Variants in PPP2R5A observed in about 807,000 individuals in gnomAD.
PPP2R5A encodes protein phosphatase 2 regulatory subunit B'alpha, also known as serine/threonine-protein phosphatase 2A 56 kDa regulatory subunit alpha isoform.
Under a neutral mutation model 64.2 loss-of-function variants are expected in PPP2R5A, and 25 were observed. That is an observed-to-expected ratio of 0.39 (90% CI 0.28 to 0.54). PPP2R5A has a LOEUF of 0.54. Ranked by LOEUF, PPP2R5A falls within the 20% of genes least tolerant of loss-of-function variation. The pLI is 0.67. For missense variants in PPP2R5A, 425 were observed against 576.3 expected, an observed-to-expected ratio of 0.74 and a Z score of 2.69; for synonymous variants, 198 against 201.2, an observed-to-expected ratio of 0.98 and a Z score of 0.13.
At chr1:212,316,965 T>G (rs1659166246) in intron 1 of PPP2R5A, among the ~76,000 whole-genome samples, 1 of 152,208 alleles carries the variant, frequency 6.6e-6, no homozygotes, top group Non-Finnish European at 1.5e-5. Context: ...GATGGTAGAC[T>G]CTTCAGCAAG....
intron 1 of PPP2R5A, chr1:212,297,548 C>T (rs1571574686): frequency 1.3e-5 from 2 of 152,262 alleles, no homozygotes; most frequent in East Asian, 3.9e-4. Flanking sequence ...AGCCTAGAGC[C>T]TGTAGTCTTT....
In PPP2R5A at chr1:212,360,713, A is replaced by AAAAC; in HGVS notation, c.1406_1409dup (p.Asn471ThrfsTer3). 1 of 1,601,348 alleles carries AAAAC rather than the reference A, an allele frequency of 6.2e-7. No homozygotes were observed. The highest frequency in any genetic ancestry group is 8.5e-7 in the Non-Finnish European group (1 of 1,174,634). ...AGCTAAAGCTAAAGAAAGCTCTAGAAAAACAGAATAGTGCTTACAACATGC... is the reference window on the plus strand; with the variant it reads ...AGCTAAAGCTAAAGAAAGCTCTAGAAAAACAAACAGAATAGTGCTTACAACATGC... On this transcript the variant is annotated frameshift_variant, in exon 13 of 13. Coordinates refer to ENST00000261461, the MANE Select transcript of PPP2R5A (RefSeq NM_006243.4). LOFTEE classifies it high-confidence loss of function.
At chr1:212,323,591 G>A (rs570123017) in intron 1 of PPP2R5A, among the ~76,000 whole-genome samples, 113 of 152,310 alleles carry the variant, frequency 7.4e-4, no homozygotes, top group African/African-American at 2.6e-3. Context: ...AAATTCAGAT[G>A]TGACCTATCC....
At chr1:212,307,105 A>G (rs1658929588) in intron 1 of PPP2R5A, among the ~76,000 whole-genome samples, 1 of 152,118 alleles carries the variant, frequency 6.6e-6, no homozygotes, top group Admixed American at 6.5e-5. Context: ...AGTTGGATTT[A>G]TGCCTGCCAT....
At chr1:212,329,015 T>C in intron 1 of PPP2R5A, 120 bp from the exon 2 acceptor site, 3 of 674,776 alleles carry the variant, frequency 4.4e-6, no homozygotes, top group Non-Finnish European at 4.5e-6. Context: ...ATGGGCACAT[T>C]TCTCACTAGA....
At chr1:212,342,081 T>C in intron 3 of PPP2R5A, 107 bp from the exon 4 acceptor site, 1 of 1,423,174 alleles carries the variant, frequency 7.0e-7, no homozygotes, top group African/African-American at 1.4e-5. Context: ...AGATCTGAAA[T>C]CTCCCCACTA....
intron 8 of PPP2R5A, among the ~76,000 whole-genome samples, chr1:212,353,659 A>G (rs1180005500): frequency 6.6e-6 from 1 of 152,186 alleles, no homozygotes; most frequent in Non-Finnish European, 1.5e-5. Flanking sequence ...GCTGATATCC[A>G]TAATACAGGT....
At chr1:212,310,765 C>CAGA (rs1403996286) in intron 1 of PPP2R5A, among the ~76,000 whole-genome samples, 1 of 152,156 alleles carries the variant, frequency 6.6e-6, no homozygotes, top group African/African-American at 2.4e-5. Flanking sequence ...GGAGGTTGGG[C>CAGA]AGAAGAAAGG....
chr1:212,315,302 A>T (rs1034330644), intron 1 of PPP2R5A, among the ~76,000 whole-genome samples: 1 of 152,210 alleles, frequency 6.6e-6, no homozygotes, highest in Non-Finnish European at 1.5e-5. Context: ...AGACATTGAA[A>T]ATTCATCATG....
chr1:212,308,914 T>G, intron 1 of PPP2R5A: 1 of 448,928 alleles, frequency 2.2e-6, no homozygotes, highest in East Asian at 4.0e-5. Context: ...AGGATTTTCA[T>G]TTTATTCCTT....
At chr1:212,333,752 A>G (rs776795352) in intron 3 of PPP2R5A, among the ~76,000 whole-genome samples, 154 bp downstream of exon 3, 2 of 152,174 alleles carry the variant, frequency 1.3e-5, no homozygotes, top group African/African-American at 2.4e-5. Flanking sequence ...CTGTTTTTCA[A>G]TGTTTTTTCA....
chr1:212,286,787 C>T lies in PPP2R5A; in HGVS notation c.181+496C>T, dbSNP rs552248774. Among the ~76,000 whole-genome samples the T allele has an allele frequency of 2.2e-4, 34 of 152,144 alleles. 1 individual carries two copies. Among genetic ancestry groups the T allele is most frequent in the South Asian group, 1.2e-3 (6 of 4,834 alleles). On this transcript the variant is annotated intron_variant, in intron 1 of 12. Coordinates refer to ENST00000261461, the MANE Select transcript of PPP2R5A (RefSeq NM_006243.4). ...TCTCAACTTCACTTCCCATTGATTG[C>T]CCCTAAGAGTCATCAGACCAGGAAT...
intron 1 of PPP2R5A, among the ~76,000 whole-genome samples, chr1:212,326,358 C>A (rs1350468797): frequency 6.6e-6 from 1 of 151,770 alleles, no homozygotes; most frequent in African/African-American, 2.4e-5. Context: ...CTTTGGGAGG[C>A]CGAGGCAGGC....
At position 212,322,244 on chromosome 1, in the gene PPP2R5A, GGAGGGA is replaced by G. The variant is rs954340385; in HGVS notation, c.182-6874_182-6869del. On this transcript the variant is annotated intron_variant, in intron 1 of 12. Coordinates refer to ENST00000261461, the MANE Select transcript of PPP2R5A (RefSeq NM_006243.4). ...GGGGAGAGGGAGAGGGAGAGGGAGAGGAGGGAGAGGGAGAGGGAGAGGAGGGAGAGG... is the reference window on the plus strand; with the variant it reads ...GGGGAGAGGGAGAGGGAGAGGGAGAGGAGGGAGAGGGAGAGGAGGGAGAGG... Among the ~76,000 whole-genome samples, 6 of 113,452 alleles carry G rather than the reference GGAGGGA, an allele frequency of 5.3e-5. 1 individual carries two copies. The highest frequency in any genetic ancestry group is 2.3e-4 in the East Asian group (1 of 4,412). The allele number at this position is 113,452 out of a possible 152,430, so 74.4% of individuals were successfully genotyped here.
intron 1 of PPP2R5A, among the ~76,000 whole-genome samples, chr1:212,302,587 C>G (rs1490948071): frequency 6.6e-6 from 1 of 152,168 alleles, no homozygotes; most frequent in African/African-American, 2.4e-5. Flanking sequence ...CTTAAAACAG[C>G]TCTATTGAGA....
At position 212,286,060 on chromosome 1, in the gene PPP2R5A, C is replaced by T; in HGVS notation, c.-51C>T. 6.8e-7 allele frequency: 1 copy of T among 1,477,072 alleles called. No homozygotes were observed. The highest frequency in any genetic ancestry group is 9.0e-7 in the Non-Finnish European group (1 of 1,117,238). The allele number at this position is 1,477,072 out of a possible 1,614,324, so 91.5% of individuals were successfully genotyped here. The stretch of plus-strand genomic sequence containing the variant: ...CCTCCTCCTGCCGTCTCCGCCGCTG[C>T]CCGTGCCTTGCAAGCAGCAGCCGGA... On this transcript the variant is annotated 5_prime_UTR_variant, in exon 1 of 13. Transcript: ENST00000261461.
At chr1:212,346,217 TATATATATGTAAC>T (rs769712766) in intron 5 of PPP2R5A, among the ~76,000 whole-genome samples, 8 of 152,026 alleles carry the variant, frequency 5.3e-5, no homozygotes, top group South Asian at 2.1e-4. Flanking sequence ...ATGTACGTAG[TATATATATGTAAC>T]ATATATATGT....
At chr1:212,357,939 G>C (rs1286421129) in intron 11 of PPP2R5A, 1 of 152,308 alleles carries the variant, frequency 6.6e-6, no homozygotes, top group Admixed American at 6.5e-5. Context: ...TACGACCACA[G>C]GTGTGCACCA....
chr1:212,354,638 G>C (rs995532370), intron 8 of PPP2R5A, among the ~76,000 whole-genome samples: 6 of 152,020 alleles, frequency 3.9e-5, no homozygotes, highest in African/African-American at 1.5e-4. Flanking sequence ...AAGCCTAGGA[G>C]TTCAAGGTTA....
Sources: allele counts gnomAD v4.1 joint callset (sites outside exome capture counted in the v4.1 genomes callset), GRCh38; gene constraint gnomAD v4.1.1; transcripts MANE v1.5; gene names NCBI Gene and HGNC (gene_info 2026-07-23, HGNC 2026-07-21).